The following RPH3A variants were observed in gnomAD, a reference collection of about 807,000 sequenced individuals.
RPH3A encodes rabphilin-3A.
In RPH3A, 48 loss-of-function variants were observed where a neutral mutation model predicts 102.2. That is an observed-to-expected ratio of 0.47 (90% CI 0.37 to 0.60). The LOEUF is 0.60. Among genes scored for constraint, RPH3A ranks in the 20% least tolerant of loss-of-function variants. RPH3A has a pLI of 0.00. For synonymous variants in RPH3A, 310 were observed against 324.3 expected (o/e 0.96, Z 0.47); for missense variants, 781 against 910.1 (o/e 0.86, Z 1.83).
intron 1 of RPH3A, among the ~76,000 whole-genome samples, chr12:112,648,600 C>G (rs1244037058): frequency 1.1e-4 from 2 of 17,806 alleles, no homozygotes; most frequent in African/African-American, 2.8e-4. Flanking sequence ...AAAAAAAAAG[C>G]TAGGTGTTGT....
chr12:112,863,567 A>G (rs1303238634), intron 5 of RPH3A, among the ~76,000 whole-genome samples: 1 of 152,192 alleles, frequency 6.6e-6, no homozygotes. Context: ...TAATCCAACA[A>G]CTTGGCCTCC....
chr12:112,599,394 C>T (rs2039540798), intron 1 of RPH3A, among the ~76,000 whole-genome samples: 1 of 152,184 alleles, frequency 6.6e-6, no homozygotes, highest in East Asian at 1.9e-4. Flanking sequence ...TGCAACATTG[C>T]ATCAACTACT....
At chr12:112,689,481 C>T (rs1183938872) in intron 1 of RPH3A, among the ~76,000 whole-genome samples, 1 of 152,142 alleles carries the variant, frequency 6.6e-6, no homozygotes, top group Admixed American at 6.5e-5. Context: ...CATTTGTGGG[C>T]CAAATTCCCC....
intron 1 of RPH3A, among the ~76,000 whole-genome samples, chr12:112,764,678 G>GTATTAT (rs534010884): frequency 4.0e-5 from 6 of 151,332 alleles, no homozygotes; most frequent in African/African-American, 1.5e-4. Flanking sequence ...TCTACCTGAG[G>GTATTAT]TATTATTATT....
chr12:112,888,841 T>G (rs1023577898), intron 17 of RPH3A, among the ~76,000 whole-genome samples: 1 of 152,098 alleles, frequency 6.6e-6, no homozygotes, highest in South Asian at 2.1e-4. Context: ...TTTAGTGGGG[T>G]AGGGTAGGAC....
chr12:112,797,575 C>A (rs1045523965), intron 2 of RPH3A, among the ~76,000 whole-genome samples: 5 of 152,084 alleles, frequency 3.3e-5, no homozygotes, highest in Non-Finnish European at 5.9e-5. Context: ...TTTTGCTAGG[C>A]AGGACCCCAG....
chr12:112,849,480 A>G (rs1479694980), intron 5 of RPH3A, among the ~76,000 whole-genome samples: 1 of 151,844 alleles, frequency 6.6e-6, no homozygotes, highest in Non-Finnish European at 1.5e-5. Flanking sequence ...GATGGGCCTC[A>G]GTCATGAGGG....
Position 112,824,431 on chromosome 12 carries a change from A to C in RPH3A, c.-18-3870A>C, listed in dbSNP as rs528855200. 3.4e-3 allele frequency among the ~76,000 whole-genome samples: 521 copies of C among 152,192 alleles called. 12 individuals are homozygous for C. The highest frequency in any genetic ancestry group is 6.6e-4 in the Non-Finnish European group (45 of 68,000). ...CTAGAGGCTGGGATTGGGAGGATGC[A>C]CCAGCTGTAGGGGGGATCCAGATGA... On this transcript the variant is annotated intron_variant, in intron 2 of 21. Transcript: ENST00000389385.
intron 1 of RPH3A, among the ~76,000 whole-genome samples, chr12:112,729,772 A>G (rs911108200): frequency 1.3e-5 from 2 of 152,222 alleles, no homozygotes; most frequent in African/African-American, 2.4e-5. Context: ...CACATCCTGC[A>G]TGGACATGGA....
chr12:112,767,400 G>T (rs138833757), intron 1 of RPH3A, among the ~76,000 whole-genome samples: 135 of 152,298 alleles, frequency 8.9e-4, no homozygotes, highest in African/African-American at 3.1e-3. Context: ...GATGAGAAGG[G>T]CCCGCCAGGG....
At chr12:112,834,057 C>T (rs1047467356) in intron 3 of RPH3A, among the ~76,000 whole-genome samples, 4 of 152,198 alleles carry the variant, frequency 2.6e-5, no homozygotes, top group Non-Finnish European at 5.9e-5. Flanking sequence ...GAAATCATCA[C>T]AGTAATCAAG....
At chr12:112,844,701 C>T (rs1336299542) in intron 4 of RPH3A, among the ~76,000 whole-genome samples, 1 of 152,252 alleles carries the variant, frequency 6.6e-6, no homozygotes, top group African/African-American at 2.4e-5. Context: ...CAGTCTGTCT[C>T]TATCATCCTG....
At chr12:112,853,889 AAAAG>A in intron 5 of RPH3A, among the ~76,000 whole-genome samples, 1 of 152,174 alleles carries the variant, frequency 6.6e-6, no homozygotes, top group Non-Finnish European at 1.5e-5. Flanking sequence ...TGCCTGCCAT[AAAAG>A]AAAGAACAAA....
At chr12:112,880,878 T>G (rs2042897456) in intron 14 of RPH3A, among the ~76,000 whole-genome samples, 1 of 152,202 alleles carries the variant, frequency 6.6e-6, no homozygotes, top group African/African-American at 2.4e-5. Flanking sequence ...ATAAGGAAGA[T>G]AATATATATT....
At chr12:112,773,602 A>T (rs890590939) in intron 1 of RPH3A, among the ~76,000 whole-genome samples, 1 of 151,036 alleles carries the variant, frequency 6.6e-6, no homozygotes, top group Non-Finnish European at 1.5e-5. Flanking sequence ...TGCAGAGGGT[A>T]GGGGTGTATT....
At chr12:112,591,225 A>G (rs1212957106) in intron 1 of RPH3A, among the ~76,000 whole-genome samples, 1 of 151,840 alleles carries the variant, frequency 6.6e-6, no homozygotes, top group African/African-American at 2.4e-5. Context: ...AGCTGGGACC[A>G]CAGGTGTGTG....
At chr12:112,870,078 T>G in intron 10 of RPH3A, 39 bp downstream of exon 10, 1 of 1,572,236 alleles carries the variant, frequency 6.4e-7, no homozygotes. Flanking sequence ...GTTCTCTGGA[T>G]AGGGAGACTC....
chr12:112,694,305 C>T (rs1368584950), intron 1 of RPH3A, among the ~76,000 whole-genome samples: 1 of 152,168 alleles, frequency 6.6e-6, no homozygotes, highest in Non-Finnish European at 1.5e-5. Context: ...CCAGCTGCTC[C>T]ACCTCTTAGC....
intron 2 of RPH3A, among the ~76,000 whole-genome samples, chr12:112,806,038 TA>T (rs2041455177): frequency 1.3e-5 from 2 of 152,360 alleles, no homozygotes; most frequent in African/African-American, 4.8e-5. Flanking sequence ...CTCACATACT[TA>T]AAACCACATG....
Sources: gnomAD v4.1 joint callset for allele counts (sites outside exome capture counted in the v4.1 genomes callset) on GRCh38, gnomAD v4.1.1 for gene constraint, MANE v1.5 for transcripts, NCBI Gene and HGNC (gene_info 2026-07-23, HGNC 2026-07-21) for gene names.